Variants in RBFOX3 observed in about 807,000 individuals in gnomAD.
RBFOX3 encodes RNA binding protein fox-1 homolog 3.
Under a neutral mutation model 48.7 loss-of-function variants are expected in RBFOX3, and 17 were observed. The ratio of observed to expected loss-of-function variants is 0.35; its 90% confidence interval spans 0.24 to 0.52. The LOEUF (loss-of-function observed/expected upper bound fraction) is 0.52. Ranked by LOEUF, RBFOX3 falls within the 20% of genes least tolerant of loss-of-function variation. The pLI is 0.94. For missense variants in RBFOX3, 382 were observed against 497.5 expected (o/e 0.77, Z 2.21); for synonymous variants, 212 against 209.5 (o/e 1.01, Z -0.10).
intron 2 of RBFOX3, among the ~76,000 whole-genome samples, chr17:79,441,644 T>C (rs1174487679): frequency 3.4e-5 from 5 of 145,852 alleles, no homozygotes; most frequent in African/African-American, 1.3e-4. Context: ...ACCTCCAGAA[T>C]GGCAGAGAGT....
At chr17:79,278,276 T>C (rs547241967) in intron 3 of RBFOX3, among the ~76,000 whole-genome samples, 2 of 152,250 alleles carry the variant, frequency 1.3e-5, no homozygotes, top group Non-Finnish European at 2.9e-5. Context: ...AACAGCATCA[T>C]AGGATCACGA....
chr17:79,617,278 G>A, the RBFOX3 span, among the ~76,000 whole-genome samples: 1 of 152,016 alleles, frequency 6.6e-6, no homozygotes, highest in African/African-American at 2.4e-5. Context: ...GGATGGGGGG[G>A]TCTTAGCCTA....
At chr17:79,486,523 A>ACACATATGCGTGCACATATGCT (rs2079630607) in intron 1 of RBFOX3, among the ~76,000 whole-genome samples, 1 of 152,104 alleles carries the variant, frequency 6.6e-6, no homozygotes, top group Non-Finnish European at 1.5e-5. Flanking sequence ...TCCCCTACAC[A>ACACATATGCGTGCACATATGCT]CACATATGCG....
At position 79,206,314 on chromosome 17, in the gene RBFOX3, C is replaced by T. The variant is rs141036628; in HGVS notation, c.-34+29452G>A. ...TAGCCTAACACTTCCAAAGGCTATC[C>T]GTTTTGAGTAGGTCCCAGAGCAAAC... On this transcript the variant is annotated intron_variant, in intron 4 of 14. Coordinates refer to ENST00000693108, the MANE Select transcript of RBFOX3 (RefSeq NM_001350451.2). Among the ~76,000 whole-genome samples, 582 of 152,230 alleles carry T rather than the reference C, an allele frequency of 3.8e-3. 8 individuals carry two copies. Among genetic ancestry groups the T allele is most frequent in the African/African-American group, 0.013 (559 of 41,536 alleles).
chr17:79,115,236 T>G (rs1221566081), intron 5 of RBFOX3, among the ~76,000 whole-genome samples: 1 of 152,268 alleles, frequency 6.6e-6, no homozygotes. Flanking sequence ...CACCCCTAGG[T>G]GCCCGGCCAT....
At chr17:79,398,946 G>A (rs1379881978) in intron 2 of RBFOX3, among the ~76,000 whole-genome samples, 1 of 152,168 alleles carries the variant, frequency 6.6e-6, no homozygotes, top group African/African-American at 2.4e-5. Flanking sequence ...GTAAAGATGA[G>A]GTCATAGGGT....
intron 2 of RBFOX3, among the ~76,000 whole-genome samples, chr17:79,329,452 G>A (rs922446419): frequency 2.0e-5 from 3 of 152,108 alleles, no homozygotes; most frequent in Admixed American, 6.5e-5. Context: ...TTCTCCCACC[G>A]TAGCAGTTCC....
At chr17:79,371,211 A>G (rs1194433616) in intron 2 of RBFOX3, among the ~76,000 whole-genome samples, 2 of 152,226 alleles carry the variant, frequency 1.3e-5, no homozygotes, top group Non-Finnish European at 2.9e-5. Flanking sequence ...TGTTGCCTCC[A>G]TGGGGCAGAT....
Position 79,514,822 on chromosome 17 carries a change from C to T in RBFOX3, c.-319-32224G>A, listed in dbSNP as rs933727618. ...ACAAAGATGGCCCAGTGCATGTGAA[C>T]GTCCTCTGTGCACTGTGAAATGGAA... is the stretch of plus-strand genomic sequence containing the variant. On this transcript the variant is annotated intron_variant, in intron 1 of 14. Coordinates refer to ENST00000693108, the MANE Select transcript of RBFOX3 (RefSeq NM_001350451.2). Among the ~76,000 whole-genome samples the T allele has an allele frequency of 2.9e-3, 437 of 152,322 alleles. 8 individuals are homozygous for T. The South Asian group carries it at 0.049, about 17-fold the overall frequency.
the RBFOX3 span, among the ~76,000 whole-genome samples, chr17:79,625,050 C>A: frequency 6.6e-6 from 1 of 152,020 alleles, no homozygotes; most frequent in Admixed American, 6.5e-5. Flanking sequence ...ACAGTTTATG[C>A]GCTATGACAT....
intron 2 of RBFOX3, among the ~76,000 whole-genome samples, chr17:79,396,368 T>G (rs915737783): frequency 6.6e-6 from 1 of 152,164 alleles, no homozygotes. Context: ...GACTCTTGCT[T>G]CTCTCCCTGC....
At chr17:79,349,266 A>G (rs1432338891) in intron 2 of RBFOX3, among the ~76,000 whole-genome samples, 3 of 151,928 alleles carry the variant, frequency 2.0e-5, no homozygotes, top group Non-Finnish European at 4.4e-5. Flanking sequence ...CTGCGGGGCC[A>G]GGCACAGTCC....
rs1044523997 is a variant in RBFOX3, at chr17:79,393,702, C to G, written c.-174-85878G>C. 1.5e-4 allele frequency among the ~76,000 whole-genome samples: 23 copies of G among 150,678 alleles called. No individual in the cohort carries two copies. In the South Asian group the frequency reaches 3.8e-3, roughly 25 times the overall value. Reference sequence around the variant, plus strand: ...CACACATCGTCTGAGCCGGTCATCACGCACATCTGAGCCGGTCATCATACA... The same window carrying G: ...CACACATCGTCTGAGCCGGTCATCAGGCACATCTGAGCCGGTCATCATACA... On this transcript the variant is annotated intron_variant, in intron 2 of 14. Transcript: ENST00000693108.
chr17:79,192,525 T>TTGC (rs765574856), intron 4 of RBFOX3, among the ~76,000 whole-genome samples: 1 of 152,242 alleles, frequency 6.6e-6, no homozygotes, highest in Admixed American at 6.5e-5. Flanking sequence ...CAATTTCTTA[T>TTGC]TGCTGCTGCT....
At chr17:79,150,007 GA>G (rs1311311523) in intron 4 of RBFOX3, among the ~76,000 whole-genome samples, 2 of 90,102 alleles carry the variant, frequency 2.2e-5, no homozygotes, top group Non-Finnish European at 4.4e-5. Flanking sequence ...GGGGGTGGGG[GA>G]TGGGGATGGG....
intron 1 of RBFOX3, among the ~76,000 whole-genome samples, chr17:79,606,556 C>G (rs2093835100): frequency 6.6e-6 from 1 of 152,240 alleles, no homozygotes; most frequent in South Asian, 2.1e-4. Flanking sequence ...TCCAGCCTCC[C>G]TCTAAGGCGT....
intron 1 of RBFOX3, among the ~76,000 whole-genome samples, chr17:79,607,821 CA>C (rs1460173970): frequency 6.6e-6 from 1 of 152,224 alleles, no homozygotes; most frequent in African/African-American, 2.4e-5. Context: ...CTGGCCACTA[CA>C]GTGTCTAGTT....
intron 3 of RBFOX3, among the ~76,000 whole-genome samples, chr17:79,256,948 CA>C (rs10713719): frequency 0.62 from 82,262 of 131,712 alleles, 23,224 homozygotes; most frequent in African/African-American, 0.72. Flanking sequence ...CAAAACAAAA[CA>C]AAAAAAAAAC....
chr17:79,095,374 G>T, intron 13 of RBFOX3, 139 bp downstream of exon 13: 1 of 676,754 alleles, frequency 1.5e-6, no homozygotes, highest in Non-Finnish European at 2.5e-6. Context: ...ACTCAGACCT[G>T]CTCCCCTGTC....
Sources: gnomAD v4.1 joint callset for allele counts (sites outside exome capture counted in the v4.1 genomes callset) on GRCh38, gnomAD v4.1.1 for gene constraint, MANE v1.5 for transcripts, NCBI Gene and HGNC (gene_info 2026-07-23, HGNC 2026-07-21) for gene names.